The following NFATC4 variants were observed in gnomAD, a reference collection of about 807,000 sequenced individuals.
NFATC4 encodes nuclear factor of activated T cells 4.
A neutral mutation model predicts 73.4 loss-of-function variants in NFATC4; 25 were observed. The observed-to-expected ratio is 0.34, with a 90% CI of 0.25 to 0.48. The LOEUF is 0.48. NFATC4 is among the 20% of genes least tolerant of loss of function. The pLI is 0.99. For synonymous variants in NFATC4, 523 were observed against 510.3 expected (o/e 1.02, Z -0.34); for missense variants, 1,130 against 1,203.7 (o/e 0.94, Z 0.91).
chr14:24,373,176 A>G lies in NFATC4; in HGVS notation c.1365A>G (p.Leu455=). 1.2e-6 allele frequency: 2 copies of G among 1,614,084 alleles called. No individual in the cohort carries two copies. Among genetic ancestry groups the G allele is most frequent in the Middle Eastern group, 1.7e-4 (1 of 6,054 alleles). ...APGGHPVVKL[L]GYSEKPLTLQ... is the part of the protein sequence containing the mutation. ...CCGCTCTCTCCCTCTGCCAGCTCCT[A>G]GGCTACAGTGAGAAGCCACTGACCC... Residue 455 remains leucine (L), a synonymous_variant, in exon 4 of 10, where the codon CTA becomes CTG. Transcript: ENST00000250373. This position sits in a 1 kb window ranked among gnomAD's most constrained non-coding sequence, Gnocchi z 4.7.
At chr14:24,367,559 G>C, upstream of NFATC4, 3 of 1,536,190 alleles carry the variant, frequency 2.0e-6, no homozygotes, top group South Asian at 2.4e-5. Context: ...CTGGCTAAGC[G>C]TTCTTCATCT....
chr14:24,377,865 T>A lies in NFATC4; in HGVS notation c.*160T>A. On this transcript the variant is annotated 3_prime_UTR_variant, in exon 10 of 10. Transcript: ENST00000250373. The surrounding 1 kb of genome is among the most constrained non-coding windows in gnomAD (Gnocchi z 4.2). ...ACTGTCTTCCCTCCCCTCCCCCAGC[T>A]GAGGTGTGGCCCTCAGGCCTGGTGC... The A allele has an allele frequency of 7.1e-7, 1 of 1,409,650 alleles. No homozygotes were observed. Among genetic ancestry groups the A allele is most frequent in the Non-Finnish European group, 9.5e-7 (1 of 1,053,524 alleles). The allele number at this position is 1,409,650 out of a possible 1,614,324, so 87.3% of individuals were successfully genotyped here.
chr14:24,377,900 G>C lies in NFATC4; in HGVS notation c.*195G>C. 8.6e-7 allele frequency: 1 copy of C among 1,160,876 alleles called. No individual in the cohort carries two copies. The highest frequency in any genetic ancestry group is 2.6e-5 in the East Asian group (1 of 38,682). 71.9% of individuals were successfully genotyped at this position (1,160,876 alleles called of 1,614,324 possible). ...CCCTCAGGCCTGGTGCTGCCTTGGA[G>C]GGCTGGGGGAAGGAGTGTGTGGAGG... is the stretch of plus-strand genomic sequence containing the variant. On this transcript the variant is annotated 3_prime_UTR_variant, in exon 10 of 10. Transcript: ENST00000250373. This position sits in a 1 kb window ranked among gnomAD's most constrained non-coding sequence, Gnocchi z 4.2.
At chr14:24,366,999 AGAGACTG>A, upstream of NFATC4, 1 of 1,606,890 alleles carries the variant, frequency 6.2e-7, no homozygotes, top group Non-Finnish European at 8.5e-7. Context: ...GGAGGGATTT[AGAGACTG>A]GAGACGCGGC....
chr14:24,369,430 A>G, intron 1 of NFATC4, 69 bp from the exon 2 acceptor site: 2 of 1,609,540 alleles, frequency 1.2e-6, no homozygotes, highest in East Asian at 4.5e-5. Flanking sequence ...TGGCCACTCA[A>G]GGAACATAGC....
At chr14:24,367,183 C>T, upstream of NFATC4, 1 of 1,613,966 alleles carries the variant, frequency 6.2e-7, no homozygotes, top group Non-Finnish European at 8.5e-7. Context: ...CCGGAAACTC[C>T]AGTCCAGGTC....
At position 24,376,316 on chromosome 14, in the gene NFATC4, A is replaced by G; in HGVS notation, c.2079A>G (p.Leu693=). ...FLPVICKEEP[L]PDSSLRGFPS... Reference sequence around the variant, plus strand: ...CAGTGATCTGCAAAGAGGAGCCCCTACCGGACTCATCTCTGCGGGGTTTCC... The same window carrying G: ...CAGTGATCTGCAAAGAGGAGCCCCTGCCGGACTCATCTCTGCGGGGTTTCC... Residue 693 remains leucine, a synonymous_variant, in exon 9 of 10, where the codon CTA becomes CTG. Coordinates refer to ENST00000250373, the MANE Select transcript of NFATC4 (RefSeq NM_004554.5). This position sits in a 1 kb window ranked among gnomAD's most constrained non-coding sequence, Gnocchi z 5.0. The G allele has an allele frequency of 6.3e-7, 1 of 1,587,268 alleles. No homozygotes were observed. Among genetic ancestry groups the G allele is most frequent in the Non-Finnish European group, 8.6e-7 (1 of 1,166,838 alleles).
rs200091677 is a variant in NFATC4 at position 24,370,610 on chromosome 14, G to C, written c.1196+16G>C. The C allele has an allele frequency of 2.7e-4, 425 of 1,594,120 alleles. 3 individuals carry two copies. In the South Asian group the frequency reaches 3.7e-3, roughly 14 times the overall value. On this transcript the variant is annotated intron_variant, in intron 2 of 9. Coordinates refer to ENST00000250373, the MANE Select transcript of NFATC4 (RefSeq NM_004554.5). Reference sequence around the variant, plus strand: ...CTATCTTCAGGTGAGGGTTGCGCCTGGCACTACCGCTCTCTCTAGCCATTC... The same window carrying C: ...CTATCTTCAGGTGAGGGTTGCGCCTCGCACTACCGCTCTCTCTAGCCATTC...
intron 1 of NFATC4, chr14:24,368,995 T>C: frequency 2.6e-6 from 3 of 1,146,016 alleles, no homozygotes; most frequent in South Asian, 4.1e-5. Flanking sequence ...CCCCCTCGGC[T>C]GCACCTCCGC....
chr14:24,370,163 C>T lies in NFATC4; in HGVS notation c.765C>T (p.Pro255=). ...GGCTACTCCTCAGTGCTCCTGGGCC[C>T]ACCCCAGCCTCCCCGCGGCCTGCCT... ...DSWLLLSAPG[P]TPASPRPASP... The change falls in exon 2 of 10, where the codon CCC becomes CCT. Residue 255 remains proline, a synonymous_variant. Transcript: ENST00000250373. The T allele has an allele frequency of 1.2e-6, 2 of 1,604,328 alleles. No homozygotes were observed. The highest frequency in any genetic ancestry group is 8.5e-7 in the Non-Finnish European group (1 of 1,179,750).
Position 24,374,349 on chromosome 14 carries a change from C to A in NFATC4, c.1756C>A (p.Pro586Thr). 6.2e-7 allele frequency: 1 copy of A among 1,613,276 alleles called. No homozygotes were observed. Among genetic ancestry groups the A allele is most frequent in the Non-Finnish European group, 8.5e-7 (1 of 1,179,660 alleles). ...AGCCCAGCGCTCAGCCCAGGAGCTGCCCCAGGTGGAGGCCTACAGCCCCAG... is the reference window on the plus strand; with the variant it reads ...AGCCCAGCGCTCAGCCCAGGAGCTGACCCAGGTGGAGGCCTACAGCCCCAG... ...ECSQRSAQEL[P>T]QVEAYSPSAC... Residue 586 changes from proline to threonine, a missense_variant, in exon 6 of 10, where the codon CCC becomes ACC. Transcript: ENST00000250373.
chr14:24,369,772 C>G lies in NFATC4; in HGVS notation c.374C>G (p.Pro125Arg). 6.3e-7 allele frequency: 1 copy of G among 1,597,442 alleles called. No individual in the cohort carries two copies. ...CGCATCACCTCCATCTCTCCCACGC[C>G]GGAGCCGCCAGCAGCGCTGGAGGAC... ...SIRITSISPT[P>R]EPPAALEDNP... Residue 125 changes from proline (P) to arginine (R), a missense_variant, in exon 2 of 10, where the codon CCG (proline) becomes CGG (arginine). Physicochemically the swap from Pro to Arg is moderately radical, Grantham distance 103 (BLOSUM62 -2). Transcript: ENST00000250373.
rs1450384306 is a variant in NFATC4, at chr14:24,375,679, G to A, written c.1893G>A (p.Glu631=). Residue 631 remains glutamate (E), a synonymous_variant, in exon 7 of 10, where the codon GAG becomes GAA. Coordinates refer to ENST00000250373, the MANE Select transcript of NFATC4 (RefSeq NM_004554.5). ...ERGPDGKLQW[E]EEATVNRLQS... The stretch of plus-strand genomic sequence containing the variant: ...GGACAGATGGGAAGCTGCAATGGGA[G>A]GAGGAGGCCACAGTGAACCGACTGC... 17 of 1,559,560 alleles carry A rather than the reference G, an allele frequency of 1.1e-5. No individual in the cohort carries two copies. The highest frequency in any genetic ancestry group is 1.4e-5 in the Non-Finnish European group (16 of 1,151,020).
Position 24,370,575 on chromosome 14 carries a change from G to A in NFATC4, c.1177G>A (p.Gly393Arg). The change falls in exon 2 of 10, where the codon GGA becomes AGA. Residue 393 changes from glycine to arginine, a missense_variant. Around this residue, in one of 3 missense-constraint regions of NFATC4, gnomAD observed 585 missense variants for 574.3 expected, o/e 1.02. Transcript: ENST00000250373. ...CGCTTGGTCCAAGGCCCGGATTGGG[G>A]GACACAGCCCTATCTTCAGGTGAGG... ...PLAWSKARIG[G>R]HSPIFRTSAL... The A allele has an allele frequency of 1.2e-6, 2 of 1,610,480 alleles. No homozygotes were observed. The highest frequency in any genetic ancestry group is 1.7e-6 in the Non-Finnish European group (2 of 1,177,050).
At position 24,377,442 on chromosome 14, in the gene NFATC4, G is replaced by C. The variant is rs979479280; in HGVS notation, c.2642-196G>C. On this transcript the variant is annotated intron_variant, in intron 9 of 9. Transcript: ENST00000250373. This position sits in a 1 kb window ranked among gnomAD's most constrained non-coding sequence, Gnocchi z 4.2. ...GGGTGCCTGGGAGCCCACATGGAGG[G>C]AGTTGGGCAAGATTTGATTCGGAGC... 1 of 1,428,018 alleles carries C rather than the reference G, an allele frequency of 7.0e-7. No individual in the cohort carries two copies. The highest frequency in any genetic ancestry group is 1.4e-5 in the African/African-American group (1 of 69,670). 88.5% of individuals were successfully genotyped at this position (1,428,018 alleles called of 1,614,324 possible). A position where few individuals can be genotyped will look rare whatever the true frequency, so the allele number is the denominator to read the frequency against.
chr14:24,373,381 T>A lies in NFATC4; in HGVS notation c.1559+11T>A. 6.2e-7 allele frequency: 1 copy of A among 1,613,398 alleles called. No individual in the cohort carries two copies. The highest frequency in any genetic ancestry group is 8.5e-7 in the Non-Finnish European group (1 of 1,179,972). On this transcript the variant is annotated intron_variant, in intron 4 of 9. Coordinates refer to ENST00000250373, the MANE Select transcript of NFATC4 (RefSeq NM_004554.5). This position sits in a 1 kb window ranked among gnomAD's most constrained non-coding sequence, Gnocchi z 4.7. ...CAACATGGCGGCCAAGTAAGTCCCA[T>A]GCAACTTCCCCTCAGTCCGCAGGCT...
At position 24,373,878 on chromosome 14, in the gene NFATC4, A is replaced by C. The variant is rs2042540137; in HGVS notation, c.1732+11A>C. 6.2e-7 allele frequency: 1 copy of C among 1,613,782 alleles called. No homozygotes were observed. The highest frequency in any genetic ancestry group is 1.3e-5 in the African/African-American group (1 of 74,908). On this transcript the variant is annotated intron_variant, in intron 5 of 9. Coordinates refer to ENST00000250373, the MANE Select transcript of NFATC4 (RefSeq NM_004554.5). This position sits in a 1 kb window ranked among gnomAD's most constrained non-coding sequence, Gnocchi z 4.7. ...TGCCCATCGAGTGCTGTGAGCAAAGAGGCCCTGGGCCATGTCTCTGTCTCT... is the reference window on the plus strand; with the variant it reads ...TGCCCATCGAGTGCTGTGAGCAAAGCGGCCCTGGGCCATGTCTCTGTCTCT...
At chr14:24,368,537 G>T (rs2139273168) in intron 1 of NFATC4, 97 bp downstream of exon 1, 1 of 1,174,586 alleles carries the variant, frequency 8.5e-7, no homozygotes, top group Non-Finnish European at 1.1e-6. Context: ...AGGGTGGGGG[G>T]TGAGGGAGTC....
In NFATC4 at chr14:24,373,936, C is replaced by G. The variant is rs1442047275; in HGVS notation, c.1732+69C>G. On this transcript the variant is annotated intron_variant, in intron 5 of 9. Coordinates refer to ENST00000250373, the MANE Select transcript of NFATC4 (RefSeq NM_004554.5). The surrounding 1 kb of genome is among the most constrained non-coding windows in gnomAD (Gnocchi z 4.7). ...CTTTTGTCTGTGTGTGTGTGTCTGTCTGCCCATTCCCTCTGCAGCGTCCTG... is the reference window on the plus strand; with the variant it reads ...CTTTTGTCTGTGTGTGTGTGTCTGTGTGCCCATTCCCTCTGCAGCGTCCTG... The G allele has an allele frequency of 6.3e-7, 1 of 1,587,986 alleles. No homozygotes were observed. Among genetic ancestry groups the G allele is most frequent in the Non-Finnish European group, 8.6e-7 (1 of 1,163,876 alleles).
Sources: allele counts gnomAD v4.1 joint callset, GRCh38; gene constraint gnomAD v4.1.1; regional missense constraint gnomAD v4.1.1; non-coding constraint Gnocchi (gnomAD v3.1); transcripts MANE v1.5; gene names NCBI Gene and HGNC (gene_info 2026-07-23, HGNC 2026-07-21).